The following BAMBI variants were observed in gnomAD, a reference collection of about 807,000 sequenced individuals.
BAMBI encodes BMP and activin membrane-bound inhibitor homolog.
In BAMBI, 21 loss-of-function variants were observed where a neutral mutation model predicts 24.1. The observed-to-expected ratio is 0.87, with a 90% CI of 0.62 to 1.26. The LOEUF (loss-of-function observed/expected upper bound fraction) is 1.26. BAMBI is among the 50% of genes most tolerant of loss of function. BAMBI has a pLI of 0.00. For synonymous variants in BAMBI, 156 were observed against 123.1 expected, an observed-to-expected ratio of 1.27 and a Z score of -1.77; for missense variants, 388 against 329.1, an observed-to-expected ratio of 1.18 and a Z score of -1.38.
Position 28,682,010 on chromosome 10 carries a change from G to GTAGCAGAAACCT in BAMBI, c.395_406dup (p.Ser132_Leu135dup). The GTAGCAGAAACCT allele has an allele frequency of 6.2e-7, 1 of 1,613,740 alleles. No individual in the cohort carries two copies. The highest frequency in any genetic ancestry group is 8.5e-7 in the Non-Finnish European group (1 of 1,179,666). The stretch of plus-strand genomic sequence containing the variant: ...CAAGGAAACAGGTATCAGCATGATG[G>GTAGCAGAAACCT]TAGCAGAAACCTTATCACCAAGGTG... On this transcript the variant is annotated inframe_insertion, in exon 3 of 3. Transcript: ENST00000375533.
chr10:28,678,643 CTG>C (rs1554797117), intron 1 of BAMBI, among the ~76,000 whole-genome samples: 1 of 146,870 alleles, frequency 6.8e-6, no homozygotes, highest in African/African-American at 2.4e-5. Flanking sequence ...ATCTGAGTCT[CTG>C]TGTGAGTGTG....
In BAMBI at chr10:28,677,664, C is replaced by T. The variant is rs963094668; in HGVS notation, c.-234C>T. ...GCTAGCGTGCGTCCCTAGAGTCGAG[C>T]GGGGCAAGGGAGCCAGTGGCCGCCG... On this transcript the variant is annotated 5_prime_UTR_variant, in exon 1 of 3. Transcript: ENST00000375533. The T allele has an allele frequency of 1.3e-4, 34 of 257,974 alleles. No individual in the cohort carries two copies. Among genetic ancestry groups the T allele is most frequent in the Non-Finnish European group, 2.2e-4 (30 of 137,540 alleles). The allele number at this position is 257,974 out of a possible 1,614,324, so 16.0% of individuals were successfully genotyped here.
rs148147133 is a variant in BAMBI at position 28,680,290 on chromosome 10, C to G, written c.77-968C>G. On this transcript the variant is annotated intron_variant, in intron 1 of 2. Transcript: ENST00000375533. Reference sequence around the variant, plus strand: ...GAGAACTTGAAGACCCAGATTATTTCAACGAGAAACTGATATTAAAGCCTC... The same window carrying G: ...GAGAACTTGAAGACCCAGATTATTTGAACGAGAAACTGATATTAAAGCCTC... 3.7e-3 allele frequency among the ~76,000 whole-genome samples: 564 copies of G among 152,268 alleles called. 1 individual carries two copies. The highest frequency in any genetic ancestry group is 0.013 in the African/African-American group (538 of 41,550).
chr10:28,679,391 G>A (rs775620206), intron 1 of BAMBI, among the ~76,000 whole-genome samples: 1 of 152,054 alleles, frequency 6.6e-6, no homozygotes, highest in Non-Finnish European at 1.5e-5. Context: ...AAACAGAAGG[G>A]CATTGTTCCA....
In BAMBI at chr10:28,681,329, G is replaced by T. The variant is rs372503225; in HGVS notation, c.148G>T (p.Ala50Ser). ...TGYMCKSELS[A>S]CFSRLLDPQN... ...TTATATGTGTAAATCTGAGCTCAGC[G>T]CCTGCTTCTCTAGACTTCTTGATCC... The change falls in exon 2 of 3, where the codon GCC (alanine) becomes TCC (serine). Residue 50 changes from alanine to serine, a missense_variant. Coordinates refer to ENST00000375533, the MANE Select transcript of BAMBI (RefSeq NM_012342.3). 6.2e-7 allele frequency: 1 copy of T among 1,614,090 alleles called. No individual in the cohort carries two copies. Among genetic ancestry groups the T allele is most frequent in the South Asian group, 1.1e-5 (1 of 91,076 alleles).
At position 28,680,698 on chromosome 10, in the gene BAMBI, T is replaced by G. The variant is rs1041862896; in HGVS notation, c.77-560T>G. On this transcript the variant is annotated intron_variant, in intron 1 of 2. Coordinates refer to ENST00000375533, the MANE Select transcript of BAMBI (RefSeq NM_012342.3). Reference sequence around the variant, plus strand: ...ATCTTTATAGGCAAAAAGTTTGCCTTTTCTAGAGAGGTTGCAAATAGCTGC... The same window carrying G: ...ATCTTTATAGGCAAAAAGTTTGCCTGTTCTAGAGAGGTTGCAAATAGCTGC... 2.9e-4 allele frequency among the ~76,000 whole-genome samples: 44 copies of G among 152,222 alleles called. 1 individual carries two copies. The highest frequency in any genetic ancestry group is 1.3e-4 in the Admixed American group (2 of 15,278).
At chr10:28,678,110 C>G (rs1588642649) in intron 1 of BAMBI, 137 bp downstream of exon 1, 2 of 732,576 alleles carry the variant, frequency 2.7e-6, no homozygotes, top group South Asian at 2.3e-5. Flanking sequence ...TTGCTGTGTT[C>G]TTAGAAGTCG....
chr10:28,681,598 A>C (rs1364359538), intron 2 of BAMBI, 53 bp downstream of exon 2: 2 of 1,564,960 alleles, frequency 1.3e-6, no homozygotes. Flanking sequence ...TAGACTTGTG[A>C]CAGCCACGAC....
intron 1 of BAMBI, among the ~76,000 whole-genome samples, chr10:28,680,973 T>G (rs1409575307): frequency 6.6e-6 from 1 of 152,184 alleles, no homozygotes; most frequent in Non-Finnish European, 1.5e-5. Context: ...TAGGAGAAAT[T>G]ATACTCATTA....
rs754616555 is a variant in BAMBI at position 28,682,237 on chromosome 10, C to T, written c.619C>T (p.Gln207Ter). The change falls in exon 3 of 3, where the codon CAG becomes TAG. Residue 207 changes from glutamine to a stop codon, truncating the protein, a stop_gained. Coordinates refer to ENST00000375533, the MANE Select transcript of BAMBI (RefSeq NM_012342.3). LOFTEE classifies it high-confidence loss of function. ...SFHGHHSKKG[Q>*]VAKLDLECMV... ...TCACGGACACCATTCCAAAAAGGGG[C>T]AGGTTGCAAAGTTAGACTTGGAATG... 2 of 1,614,138 alleles carry T rather than the reference C, an allele frequency of 1.2e-6. No individual in the cohort carries two copies. The highest frequency in any genetic ancestry group is 1.1e-5 in the South Asian group (1 of 91,084).
rs1834455079 is a variant in BAMBI at position 28,677,974 on chromosome 10, G to A, written c.76+1G>A. 1 of 1,521,128 alleles carries A rather than the reference G, an allele frequency of 6.6e-7. No homozygotes were observed. 94.2% of individuals were successfully genotyped at this position (1,521,128 alleles called of 1,614,324 possible). A position where few individuals can be genotyped will look rare whatever the true frequency, so the allele number is the denominator to read the frequency against. On this transcript the variant is annotated splice_donor_variant, in intron 1 of 2. Coordinates refer to ENST00000375533, the MANE Select transcript of BAMBI (RefSeq NM_012342.3). LOFTEE classifies it high-confidence loss of function. Reference sequence around the variant, plus strand: ...GCCATGGCCGTGCTGCTCACCAAAGGTGGGTGCCGGGGGCGCACGGGGCCC... The same window carrying A: ...GCCATGGCCGTGCTGCTCACCAAAGATGGGTGCCGGGGGCGCACGGGGCCC...
chr10:28,678,218 A>G (rs1484922995), intron 1 of BAMBI, among the ~76,000 whole-genome samples: 1 of 152,150 alleles, frequency 6.6e-6, no homozygotes, highest in Admixed American at 6.5e-5. Context: ...GCGCGTTTGC[A>G]GCCCAGCGGG....
At chr10:28,679,431 C>T (rs772733793) in intron 1 of BAMBI, among the ~76,000 whole-genome samples, 10 of 152,066 alleles carry the variant, frequency 6.6e-5, no homozygotes, top group Non-Finnish European at 1.5e-4. Flanking sequence ...CCCTTTCTGG[C>T]CTTTTGCATG....
Position 28,677,720 on chromosome 10 carries a change from T to TG in BAMBI, c.-175dup, listed in dbSNP as rs1458396906. On this transcript the variant is annotated 5_prime_UTR_variant, in exon 1 of 3. Coordinates refer to ENST00000375533, the MANE Select transcript of BAMBI (RefSeq NM_012342.3). Reference sequence around the variant, plus strand: ...GGACCGGGAAACTTTTCTGGGCTCCTGGGCGCGCCCTGTAGCCGCGCTCCA... The same window carrying TG: ...GGACCGGGAAACTTTTCTGGGCTCCTGGGGCGCGCCCTGTAGCCGCGCTCCA... 3.2e-6 allele frequency: 1 copy of TG among 308,266 alleles called. No homozygotes were observed. Among genetic ancestry groups the TG allele is most frequent in the Non-Finnish European group, 5.8e-6 (1 of 173,364 alleles). The allele number at this position is 308,266 out of a possible 1,614,324, so 19.1% of individuals were successfully genotyped here. A position where few individuals can be genotyped will look rare whatever the true frequency, so the allele number is the denominator to read the frequency against.
At chr10:28,678,161 G>A (rs1834457587) in intron 1 of BAMBI, among the ~76,000 whole-genome samples, 188 bp downstream of exon 1, 2 of 152,214 alleles carry the variant, frequency 1.3e-5, no homozygotes, top group Non-Finnish European at 2.9e-5. Flanking sequence ...CCGATCTAAG[G>A]GCAGGCGCTG....
chr10:28,682,693 A>C lies in BAMBI; in HGVS notation c.*292A>C. The C allele has an allele frequency of 3.5e-6, 1 of 284,268 alleles. No individual in the cohort carries two copies. The highest frequency in any genetic ancestry group is 6.6e-6 in the Non-Finnish European group (1 of 151,908). The allele number at this position is 284,268 out of a possible 1,614,324, so 17.6% of individuals were successfully genotyped here. On this transcript the variant is annotated 3_prime_UTR_variant, in exon 3 of 3. Transcript: ENST00000375533. ...CTGGAATTGAGTACCTAAATAAACA[A>C]AAATGTGCCCTATGTAAGCTTCTAC...
At chr10:28,680,075 C>G (rs1025310354) in intron 1 of BAMBI, among the ~76,000 whole-genome samples, 1 of 152,044 alleles carries the variant, frequency 6.6e-6, no homozygotes. Flanking sequence ...CTGGGGCGTT[C>G]AGAGAGAGGG....
chr10:28,681,468 T>C lies in BAMBI; in HGVS notation c.287T>C (p.Leu96Ser). The stretch of plus-strand genomic sequence containing the variant: ...CACTCTGGCACCACCATACCCACAT[T>C]GGAATGCTGTCATGAAGACATGTGC... ...RNHSGTTIPT[L>S]ECCHEDMCNY... The change falls in exon 2 of 3, where the codon TTG (leucine) becomes TCG (serine). Residue 96 changes from leucine (L) to serine (S), a missense_variant. Physicochemically the swap from Leu to Ser is moderately radical, Grantham distance 145. Coordinates refer to ENST00000375533, the MANE Select transcript of BAMBI (RefSeq NM_012342.3). The C allele has an allele frequency of 6.2e-7, 1 of 1,614,158 alleles. No individual in the cohort carries two copies. The highest frequency in any genetic ancestry group is 8.5e-7 in the Non-Finnish European group (1 of 1,180,026).
At chr10:28,679,695 G>C (rs1388787814) in intron 1 of BAMBI, among the ~76,000 whole-genome samples, 1 of 152,164 alleles carries the variant, frequency 6.6e-6, no homozygotes, top group Non-Finnish European at 1.5e-5. Flanking sequence ...GTCAAAATGG[G>C]CTTTTAATCT....
Sources: allele counts gnomAD v4.1 joint callset (sites outside exome capture counted in the v4.1 genomes callset), GRCh38; gene constraint gnomAD v4.1.1; transcripts MANE v1.5; gene names NCBI Gene and HGNC (gene_info 2026-07-23, HGNC 2026-07-21).